ZNF804A: variants seen among roughly 807,000 people sequenced by gnomAD.
ZNF804A encodes zinc finger protein 804A.
ZNF804A carries 2 observed loss-of-function variants against 16.5 expected under a neutral mutation model. The observed-to-expected ratio is 0.12, with a 90% CI of 0.05 to 0.38. ZNF804A has a LOEUF of 0.38. Among genes scored for constraint, ZNF804A ranks in the 10% least tolerant of loss-of-function variants. ZNF804A has a pLI of 0.99. For synonymous variants in ZNF804A, 534 were observed against 489.6 expected (o/e 1.09, Z -1.20); for missense variants, 1,473 against 1,390.7 (o/e 1.06, Z -0.94).
At chr2:184,927,164 G>A (rs746383844) in intron 2 of ZNF804A, among the ~76,000 whole-genome samples, 34 of 152,180 alleles carry the variant, frequency 2.2e-4, no homozygotes, top group Non-Finnish European at 2.9e-4. Context: ...TTCCAGGTCC[G>A]AAAGGACTGT....
intron 1 of ZNF804A, among the ~76,000 whole-genome samples, chr2:184,822,739 G>A (rs1027941956): frequency 2.0e-5 from 3 of 151,998 alleles, no homozygotes; most frequent in Non-Finnish European, 2.9e-5. Flanking sequence ...TAATCTTATA[G>A]AACACAAGAC....
intron 1 of ZNF804A, among the ~76,000 whole-genome samples, chr2:184,689,986 C>G (rs1322401611): frequency 6.6e-6 from 1 of 151,874 alleles, no homozygotes; most frequent in Non-Finnish European, 1.5e-5. Flanking sequence ...TTTTATGGAA[C>G]AATTTTAATA....
intron 1 of ZNF804A, among the ~76,000 whole-genome samples, chr2:184,710,572 T>C (rs762132137): frequency 6.6e-6 from 1 of 151,824 alleles, no homozygotes; most frequent in Non-Finnish European, 1.5e-5. Context: ...TAATACAGTA[T>C]TGTGAACTCT....
chr2:184,684,370 A>G (rs1692595189), intron 1 of ZNF804A, among the ~76,000 whole-genome samples: 1 of 152,216 alleles, frequency 6.6e-6, no homozygotes, highest in Non-Finnish European at 1.5e-5. Flanking sequence ...ATAACTACCC[A>G]GTTAGTACAG....
intron 1 of ZNF804A, among the ~76,000 whole-genome samples, chr2:184,719,711 C>T (rs1042812930): frequency 4.6e-5 from 7 of 152,086 alleles, no homozygotes; most frequent in African/African-American, 1.7e-4. Flanking sequence ...CAACAAGTTC[C>T]TCATCTTTGT....
chr2:184,867,001 G>A (rs555189542), intron 2 of ZNF804A, among the ~76,000 whole-genome samples: 11 of 151,472 alleles, frequency 7.3e-5, no homozygotes, highest in Admixed American at 5.3e-4. Flanking sequence ...AAAAGATTGA[G>A]TGTACTACAA....
In ZNF804A at chr2:184,598,717, G is replaced by T; in HGVS notation, c.-243G>T. On this transcript the variant is annotated 5_prime_UTR_variant, in exon 1 of 4. Transcript: ENST00000302277. ...CCCGCGGGGCTCGTCGTCCCGACGC[G>T]AATCTGAGGAGAAACAGGAGCGAGA... The T allele has an allele frequency of 3.3e-6, 1 of 303,614 alleles. No homozygotes were observed. The allele number at this position is 303,614 out of a possible 1,614,324, so 18.8% of individuals were successfully genotyped here. A position where few individuals can be genotyped will look rare whatever the true frequency, so the allele number is the denominator to read the frequency against.
chr2:184,869,939 G>T (rs1371824748), intron 2 of ZNF804A, among the ~76,000 whole-genome samples: 4 of 151,974 alleles, frequency 2.6e-5, no homozygotes, highest in African/African-American at 9.7e-5. Flanking sequence ...GGGTTAAAAA[G>T]AAAGAAGAAA....
At chr2:184,688,798 A>G (rs1692684744) in intron 1 of ZNF804A, among the ~76,000 whole-genome samples, 1 of 152,128 alleles carries the variant, frequency 6.6e-6, no homozygotes, top group Non-Finnish European at 1.5e-5. Context: ...ATGATACCCT[A>G]AAACCTATTT....
chr2:184,829,429 G>A (rs1412547402), intron 1 of ZNF804A, among the ~76,000 whole-genome samples: 2 of 151,836 alleles, frequency 1.3e-5, no homozygotes, highest in African/African-American at 2.4e-5. Flanking sequence ...AAGAGTATAA[G>A]AATTGCTATT....
intron 1 of ZNF804A, among the ~76,000 whole-genome samples, chr2:184,644,880 A>G (rs897475516): frequency 6.6e-6 from 1 of 152,076 alleles, no homozygotes; most frequent in Non-Finnish European, 1.5e-5. Flanking sequence ...ACACTGGGGC[A>G]GCAGTCAGCA....
intron 1 of ZNF804A, among the ~76,000 whole-genome samples, chr2:184,853,578 C>T (rs576348824): frequency 1.3e-5 from 2 of 151,748 alleles, no homozygotes; most frequent in African/African-American, 2.4e-5. Context: ...CCTTCTATAT[C>T]TAATTTTTGA....
chr2:184,782,669 A>AATAGGATATGTATATCCTATAT (rs1172220117), intron 1 of ZNF804A, among the ~76,000 whole-genome samples: 5 of 149,144 alleles, frequency 3.4e-5, no homozygotes, highest in African/African-American at 1.2e-4. Flanking sequence ...ATATATGCTT[A>AATAGGATATGTATATCCTATAT]ATAGGATATG....
intron 2 of ZNF804A, among the ~76,000 whole-genome samples, chr2:184,879,906 G>T (rs1406783597): frequency 1.3e-5 from 2 of 152,012 alleles, no homozygotes; most frequent in Admixed American, 1.3e-4. Flanking sequence ...TGAGGTGAAG[G>T]TAAATCAACA....
chr2:184,601,959 CTTCTT>C (rs1691056290), intron 1 of ZNF804A, among the ~76,000 whole-genome samples: 1 of 151,904 alleles, frequency 6.6e-6, no homozygotes, highest in South Asian at 2.1e-4. Flanking sequence ...TTAATACAGT[CTTCTT>C]TTATGAATTA....
chr2:184,936,178 A>T lies in ZNF804A; in HGVS notation c.782A>T (p.Gln261Leu), dbSNP rs12476147. The T allele has an allele frequency of 0.63, 1,015,147 of 1,613,750 alleles. 322,495 individuals carry two copies. Among genetic ancestry groups the T allele is most frequent in the East Asian group, 0.85 (38,028 of 44,854 alleles). Residue 261 changes from glutamine (Q) to leucine (L), a missense_variant, in exon 4 of 4, where the codon CAA (glutamine) becomes CTA (leucine). By Grantham distance (113) the Gln-to-Leu change is moderately radical. Coordinates refer to ENST00000302277, the MANE Select transcript of ZNF804A (RefSeq NM_194250.2). ...GTCCCCAGTGCTTGTCATCTTCAAC[A>T]ATCTTCACCAACAGATGTGCTTTTG... ...RFVPSACHLQQSSPTDVLLSS... is the reference protein window; with the variant it reads ...RFVPSACHLQLSSPTDVLLSS...
At chr2:184,627,998 A>T (rs1207446413) in intron 1 of ZNF804A, among the ~76,000 whole-genome samples, 2 of 152,220 alleles carry the variant, frequency 1.3e-5, no homozygotes, top group Non-Finnish European at 2.9e-5. Flanking sequence ...CAAAAGAACA[A>T]AATTTAGTAA....
At chr2:184,622,797 T>A (rs1691439507) in intron 1 of ZNF804A, among the ~76,000 whole-genome samples, 1 of 151,862 alleles carries the variant, frequency 6.6e-6, no homozygotes, top group South Asian at 2.1e-4. Flanking sequence ...GAAAACAAAC[T>A]GAGGAAAGGA....
intron 1 of ZNF804A, among the ~76,000 whole-genome samples, chr2:184,674,073 T>C (rs183267517): frequency 6.6e-6 from 1 of 152,132 alleles, no homozygotes; most frequent in Admixed American, 6.5e-5. Context: ...AATTTAACTC[T>C]CACCATTTTC....
Sources: allele counts gnomAD v4.1 joint callset (sites outside exome capture counted in the v4.1 genomes callset), GRCh38; gene constraint gnomAD v4.1.1; transcripts MANE v1.5; gene names NCBI Gene and HGNC (gene_info 2026-07-23, HGNC 2026-07-21).